The following FAF1 variants were observed in gnomAD, a reference collection of about 807,000 sequenced individuals.
FAF1 encodes Fas associated factor 1.
FAF1 carries 25 observed loss-of-function variants against 92.5 expected under a neutral mutation model. The observed-to-expected ratio is 0.27, with a 90% CI of 0.20 to 0.38. The LOEUF (loss-of-function observed/expected upper bound fraction) is 0.38, where lower values mean the gene tolerates loss of function less well. FAF1 is among the 10% of genes least tolerant of loss of function. The pLI is 1.00. For missense variants in FAF1, 636 were observed against 793.3 expected, an observed-to-expected ratio of 0.80 and a Z score of 2.38; for synonymous variants, 234 against 273.2, an observed-to-expected ratio of 0.86 and a Z score of 1.42.
chr1:50,494,993 C>T (rs967213158), intron 15 of FAF1, among the ~76,000 whole-genome samples: 2 of 151,996 alleles, frequency 1.3e-5, no homozygotes, highest in African/African-American at 2.4e-5. Context: ...TTTTTGAGTA[C>T]ATAGTAGGTC....
At chr1:50,751,864 T>G (rs1159355884) in intron 4 of FAF1, among the ~76,000 whole-genome samples, 1 of 152,218 alleles carries the variant, frequency 6.6e-6, no homozygotes, top group African/African-American at 2.4e-5. Flanking sequence ...ATGTTTCATC[T>G]CTCTCTTTTT....
intron 1 of FAF1, among the ~76,000 whole-genome samples, chr1:50,870,599 T>C (rs922083312): frequency 2.0e-5 from 3 of 152,238 alleles, no homozygotes; most frequent in Non-Finnish European, 2.9e-5. Context: ...TTCAAACTTT[T>C]TCACTATTAT....
At chr1:50,893,400 C>A (rs908988067) in intron 1 of FAF1, among the ~76,000 whole-genome samples, 1 of 152,212 alleles carries the variant, frequency 6.6e-6, no homozygotes, top group Non-Finnish European at 1.5e-5. Flanking sequence ...GGGGGCACCC[C>A]AAGCCCAGTA....
chr1:50,779,754 T>C (rs1468482917), intron 4 of FAF1, among the ~76,000 whole-genome samples: 2 of 151,896 alleles, frequency 1.3e-5, no homozygotes, highest in African/African-American at 4.8e-5. Flanking sequence ...AACTATAAGA[T>C]GTCTTATGGA....
At chr1:50,684,647 C>T (rs1656573543) in intron 7 of FAF1, among the ~76,000 whole-genome samples, 1 of 152,132 alleles carries the variant, frequency 6.6e-6, no homozygotes, top group African/African-American at 2.4e-5. Context: ...AAGGTACCAA[C>T]ACTTTGTCAG....
chr1:50,443,285 T>C (rs1317396146), intron 18 of FAF1, among the ~76,000 whole-genome samples: 1 of 152,038 alleles, frequency 6.6e-6, no homozygotes, highest in Non-Finnish European at 1.5e-5. Context: ...CATGCTGGGG[T>C]TGTCATATGC....
rs1558000811 is a variant in FAF1 at position 50,574,896 on chromosome 1, C to CTGTTTTTTTTTTTTTTTTTTTTTTTT, written c.1114-7666_1114-7665insAAAAAAAAAAAAAAAAAAAAAAAACA. ...GTTTAAGCATATAGAGTTGTATTAA[C>CTGTTTTTTTTTTTTTTTTTTTTTTTT]TCTTTTTTTTTTTTTTTTTTTTTTT... On this transcript the variant is annotated intron_variant, in intron 12 of 18. Transcript: ENST00000396153. 6.5e-5 allele frequency among the ~76,000 whole-genome samples: 8 copies of CTGTTTTTTTTTTTTTTTTTTTTTTTT among 122,884 alleles called. 2 individuals carry two copies. Among genetic ancestry groups the CTGTTTTTTTTTTTTTTTTTTTTTTTT allele is most frequent in the South Asian group, 2.7e-4 (1 of 3,646 alleles). The allele number at this position is 122,884 out of a possible 152,430, so 80.6% of individuals were successfully genotyped here. A position where few individuals can be genotyped will look rare whatever the true frequency, so the allele number is the denominator to read the frequency against.
At chr1:50,731,370 CTCTT>C (rs1399941916) in intron 6 of FAF1, among the ~76,000 whole-genome samples, 2 of 149,024 alleles carry the variant, frequency 1.3e-5, no homozygotes, top group African/African-American at 4.9e-5. Context: ...TTTATCTTTT[CTCTT>C]TTTTTTTTTT....
chr1:50,959,741 G>A, intron 1 of FAF1, 26 bp downstream of exon 1: 1 of 1,595,610 alleles, frequency 6.3e-7, no homozygotes, highest in Non-Finnish European at 8.6e-7. Context: ...TTGGAAGTGG[G>A]AGGGGAAGAG....
At chr1:50,660,841 T>C (rs371365074) in intron 7 of FAF1, among the ~76,000 whole-genome samples, 7 of 152,134 alleles carry the variant, frequency 4.6e-5, no homozygotes, top group East Asian at 3.8e-4. Context: ...TGTGGGAAAA[T>C]TGGTGGAGCC....
At chr1:50,836,170 G>GGTTTTTTTTTTTTTT (rs1644200322) in intron 2 of FAF1, among the ~76,000 whole-genome samples, 1 of 98,526 alleles carries the variant, frequency 1.0e-5, no homozygotes, top group African/African-American at 4.3e-5. Context: ...TTTTGTTTCT[G>GGTTTTTTTTTTTTTT]TTTTTTTTTT....
intron 1 of FAF1, among the ~76,000 whole-genome samples, chr1:50,860,786 C>T (rs549247352): frequency 3.3e-5 from 5 of 151,792 alleles, no homozygotes; most frequent in African/African-American, 9.6e-5. Context: ...TTCACTCACA[C>T]GTTAATCGCA....
At chr1:50,595,139 C>T (rs1020605676) in intron 9 of FAF1, among the ~76,000 whole-genome samples, 10 of 151,922 alleles carry the variant, frequency 6.6e-5, no homozygotes, top group African/African-American at 2.4e-4. Context: ...ACTACAACCT[C>T]CACCTCTTGG....
chr1:50,469,171 G>A (rs978460055), intron 18 of FAF1, among the ~76,000 whole-genome samples: 1 of 152,108 alleles, frequency 6.6e-6, no homozygotes, highest in Admixed American at 6.5e-5. Context: ...CAGGTGTCCT[G>A]TCAAATAATC....
intron 1 of FAF1, among the ~76,000 whole-genome samples, chr1:50,877,870 G>A (rs1389731365): frequency 1.3e-5 from 2 of 152,118 alleles, no homozygotes; most frequent in Non-Finnish European, 2.9e-5. Context: ...AGAGCACATA[G>A]TACTTGCTGC....
intron 6 of FAF1, chr1:50,714,978 T>G (rs995996559): frequency 2.3e-6 from 1 of 426,936 alleles, no homozygotes; most frequent in Non-Finnish European, 4.6e-6. Context: ...TTTCAAACAC[T>G]GTAACAGATA....
intron 17 of FAF1, among the ~76,000 whole-genome samples, chr1:50,488,745 G>A (rs1383569229): frequency 1.3e-5 from 2 of 152,128 alleles, no homozygotes; most frequent in Admixed American, 1.3e-4. Flanking sequence ...ACTCCTCAAT[G>A]AACTTCAGTT....
chr1:50,523,302 A>T (rs1252250642), intron 15 of FAF1, among the ~76,000 whole-genome samples: 1 of 152,128 alleles, frequency 6.6e-6, no homozygotes, highest in African/African-American at 2.4e-5. Context: ...ACCTGGTTCA[A>T]ATGGTTACTC....
intron 1 of FAF1, among the ~76,000 whole-genome samples, chr1:50,938,670 T>C (rs1645106083): frequency 1.3e-5 from 2 of 152,188 alleles, no homozygotes; most frequent in Admixed American, 1.3e-4. Context: ...ATCAAGGATA[T>C]TTCCTGGGTT....
Sources: allele counts gnomAD v4.1 joint callset (sites outside exome capture counted in the v4.1 genomes callset), GRCh38; gene constraint gnomAD v4.1.1; transcripts MANE v1.5; gene names NCBI Gene and HGNC (gene_info 2026-07-23, HGNC 2026-07-21).